The following SPTBN5 variants were observed in gnomAD, a reference collection of about 807,000 sequenced individuals.
The protein encoded by SPTBN5 is spectrin beta, non-erythrocytic 5.
A neutral mutation model predicts 477.6 loss-of-function variants in SPTBN5; 513 were observed. The observed-to-expected ratio is 1.07, with a 90% CI of 1.00 to 1.16. SPTBN5 has a LOEUF of 1.16. SPTBN5 is among the 50% of genes most tolerant of loss of function. The probability of loss-of-function intolerance (pLI) is 0.00; values close to 1 mark genes in which losing one functional copy is unlikely to be tolerated. For synonymous variants in SPTBN5, 2,169 were observed against 2,011.7 expected, an observed-to-expected ratio of 1.08 and a Z score of -2.09; for missense variants, 5,062 against 4,731.8, an observed-to-expected ratio of 1.07 and a Z score of -2.05.
At chr15:41,848,713 C>G (rs893810648) in intron 67 of SPTBN5, 85 bp from the exon 68 acceptor site, 1 of 1,499,520 alleles carries the variant, frequency 6.7e-7, no homozygotes, top group Non-Finnish European at 9.3e-7. Flanking sequence ...CCCCTGCCCT[C>G]CCCTGGACCA....
In SPTBN5 at chr15:41,892,693, G is replaced by A. The variant is rs142445023; in HGVS notation, c.384+201C>T. On this transcript the variant is annotated intron_variant, in intron 3 of 67. Coordinates refer to ENST00000320955, the MANE Select transcript of SPTBN5 (RefSeq NM_016642.4). ...ACCTGGATTGCTACTGCCATGGCCA[G>A]CTGGGTGCTCTCCAAGTCAGGGGTG... 392 of 561,114 alleles carry A rather than the reference G, an allele frequency of 7.0e-4. 1 individual carries two copies. Among genetic ancestry groups the A allele is most frequent in the African/African-American group, 6.8e-3 (353 of 51,900 alleles). 34.8% of individuals were successfully genotyped at this position (561,114 alleles called of 1,614,324 possible).
intron 7 of SPTBN5, 45 bp from the exon 8 acceptor site, chr15:41,883,531 G>A: frequency 6.3e-7 from 1 of 1,591,622 alleles, no homozygotes; most frequent in Non-Finnish European, 8.6e-7. Flanking sequence ...GGTTGGGGCA[G>A]GGAAGCTACT....
chr15:41,882,349 C>T lies in SPTBN5; in HGVS notation c.2167G>A (p.Val723Ile), dbSNP rs1201395314. Residue 723 changes from valine (V) to isoleucine (I), a missense_variant, in exon 11 of 68, where the codon GTT becomes ATT. Coordinates refer to ENST00000320955, the MANE Select transcript of SPTBN5 (RefSeq NM_016642.4). ...QPDPGERAEA[V>I]QGGWQLLQTR... ...TGGAGCAGCTGCCACCCTCCCTGAA[C>T]GGCCTCTGCCCGTTCCCCGGGATCC... 3.9e-6 allele frequency: 6 copies of T among 1,534,994 alleles called. No homozygotes were observed. The South Asian group carries it at 6.0e-5, about 15-fold the overall frequency.
intron 7 of SPTBN5, among the ~76,000 whole-genome samples, 159 bp from the exon 8 acceptor site, chr15:41,883,645 G>C (rs2067053792): frequency 6.6e-6 from 1 of 152,204 alleles, no homozygotes; most frequent in Non-Finnish European, 1.5e-5. Flanking sequence ...GCAGGCGGTG[G>C]TAGAGGCAGT....
In SPTBN5 at chr15:41,893,388, T is replaced by A; in HGVS notation, c.110A>T (p.Asp37Val). The A allele has an allele frequency of 6.2e-7, 1 of 1,613,504 alleles. No homozygotes were observed. Among genetic ancestry groups the A allele is most frequent in the Non-Finnish European group, 8.5e-7 (1 of 1,179,788 alleles). ...AATGTGGCCCGTCTCGTACTGAGAGTCCATGGTGAGACTTGGACTGGGCGG... is the reference window on the plus strand; with the variant it reads ...AATGTGGCCCGTCTCGTACTGAGAGACCATGGTGAGACTTGGACTGGGCGG... ...RVPPSPSLTM[D>V]SQYETGHIRK... Residue 37 changes from aspartate to valine, a missense_variant, in exon 2 of 68, where the codon GAC becomes GTC. Transcript: ENST00000320955.
At chr15:41,863,879 C>A in intron 40 of SPTBN5, 30 bp downstream of exon 40, 2 of 1,613,224 alleles carry the variant, frequency 1.2e-6, no homozygotes, top group Admixed American at 1.7e-5. Context: ...CTCTTCCCGG[C>A]CCTTTGGTTC....
chr15:41,868,280 G>C, intron 33 of SPTBN5, 62 bp from the exon 34 acceptor site: 1 of 1,564,014 alleles, frequency 6.4e-7, no homozygotes, highest in Non-Finnish European at 8.6e-7. Flanking sequence ...GTGAGGACTG[G>C]ATCCTGAGGG....
At chr15:41,855,178 TC>T in intron 55 of SPTBN5, 45 bp downstream of exon 55, 1 of 1,568,230 alleles carries the variant, frequency 6.4e-7, no homozygotes, top group Non-Finnish European at 8.7e-7. Flanking sequence ...CAGGCCTTCC[TC>T]AGCCTCTGCC....
chr15:41,854,671 G>T, intron 56 of SPTBN5, 111 bp downstream of exon 56: 1 of 940,898 alleles, frequency 1.1e-6, no homozygotes, highest in Non-Finnish European at 1.5e-6. Context: ...TTCACTTGAG[G>T]CCAGCAGGGT....
chr15:41,862,215 C>G lies in SPTBN5; in HGVS notation c.7463G>C (p.Arg2488Thr), dbSNP rs1409709295. The change falls in exon 44 of 68, where the codon AGG (arginine) becomes ACG (threonine). Residue 2488 changes from arginine to threonine, a missense_variant. Physicochemically the swap from Arg to Thr is moderately conservative, Grantham distance 71. Coordinates refer to ENST00000320955, the MANE Select transcript of SPTBN5 (RefSeq NM_016642.4). ...MLQELLVSAQ[R>T]LRAQMDTSPA... Reference sequence around the variant, plus strand: ...GCTCGTGTCCATCTGAGCCCGCAGCCTCTGGGCGCTGACCAGCAATTCCTG... The same window carrying G: ...GCTCGTGTCCATCTGAGCCCGCAGCGTCTGGGCGCTGACCAGCAATTCCTG... 6.2e-7 allele frequency: 1 copy of G among 1,611,802 alleles called. No homozygotes were observed. Among genetic ancestry groups the G allele is most frequent in the Non-Finnish European group, 8.5e-7 (1 of 1,179,328 alleles).
chr15:41,852,575 C>T (rs2140911262), intron 61 of SPTBN5, 59 bp downstream of exon 61: 7 of 1,547,194 alleles, frequency 4.5e-6, no homozygotes, highest in Non-Finnish European at 6.2e-6. Flanking sequence ...CACTGACTTG[C>T]AGGCTGAGAG....
Position 41,858,947 on chromosome 15 carries a change from G to T in SPTBN5, c.8022C>A (p.Arg2674=). 6.3e-7 allele frequency: 1 copy of T among 1,589,170 alleles called. No individual in the cohort carries two copies. Among genetic ancestry groups the T allele is most frequent in the Non-Finnish European group, 8.6e-7 (1 of 1,166,352 alleles). Residue 2674 remains arginine, a synonymous_variant, in exon 48 of 68, where the codon CGC becomes CGA. Coordinates refer to ENST00000320955, the MANE Select transcript of SPTBN5 (RefSeq NM_016642.4). The part of the protein sequence containing the change: ...KEALFRQAGT[R]RHRLEELRQL... ...GCCGGAGCTCCTCCAGGCGATGGCGGCGGGTCCCGGCTTGCCTGAAGAGCG... is the reference window on the plus strand; with the variant it reads ...GCCGGAGCTCCTCCAGGCGATGGCGTCGGGTCCCGGCTTGCCTGAAGAGCG...
Position 41,879,438 on chromosome 15 carries a change from C to G in SPTBN5, c.3004G>C (p.Val1002Leu). The G allele has an allele frequency of 6.2e-7, 1 of 1,608,230 alleles. No homozygotes were observed. Among genetic ancestry groups the G allele is most frequent in the Non-Finnish European group, 8.5e-7 (1 of 1,178,578 alleles). Residue 1002 changes from valine (V) to leucine (L), a missense_variant, in exon 16 of 68, where the codon GTG becomes CTG. Coordinates refer to ENST00000320955, the MANE Select transcript of SPTBN5 (RefSeq NM_016642.4). Reference protein sequence around the residue: ...KAVQLAHSVEVCSFLQECGPT... With the variant: ...KAVQLAHSVELCSFLQECGPT... ...CCACACTCCTGCAGAAAACTGCACA[C>G]TTCCACACTGTGTGCCAGCTGCACG...
At chr15:41,851,036 G>A (rs370943879) in intron 65 of SPTBN5, 23 bp downstream of exon 65, 170 of 1,605,592 alleles carry the variant, frequency 1.1e-4, no homozygotes, top group Non-Finnish European at 1.2e-4. Flanking sequence ...GGGTGATGCC[G>A]GAGTCCATGT....
At position 41,858,718 on chromosome 15, in the gene SPTBN5, C is replaced by A. The variant is rs1441892028; in HGVS notation, c.8110G>T (p.Val2704Leu). The A allele has an allele frequency of 6.2e-7, 1 of 1,609,778 alleles. No homozygotes were observed. The highest frequency in any genetic ancestry group is 1.6e-4 in the Middle Eastern group (1 of 6,080). Residue 2704 changes from valine to leucine, a missense_variant, in exon 49 of 68, where the codon GTG becomes TTG. Val to Leu is a conservative substitution (Grantham distance 32). Transcript: ENST00000320955. The part of the protein sequence containing the change: ...VAAWLREKNL[V>L]ALEEGLLDTA... Reference sequence around the variant, plus strand: ...TCCAGCAAACCCTCCTCCAAGGCCACCAGGTTCTTCTCCCTCAGCCACGCA... The same window carrying A: ...TCCAGCAAACCCTCCTCCAAGGCCAACAGGTTCTTCTCCCTCAGCCACGCA...
At chr15:41,888,158 G>C (rs2067213259) in intron 4 of SPTBN5, 73 bp from the exon 5 acceptor site, 1 of 1,455,558 alleles carries the variant, frequency 6.9e-7, no homozygotes, top group African/African-American at 1.4e-5. Flanking sequence ...GGCTGTGGGA[G>C]AGGCAGGCTG....
Position 41,876,202 on chromosome 15 carries a change from C to T in SPTBN5, c.4034G>A (p.Arg1345His), listed in dbSNP as rs2290559. Residue 1345 changes from arginine to histidine, a missense_variant, in exon 21 of 68, where the codon CGC becomes CAC. By Grantham distance (29) the Arg-to-His change is conservative. Coordinates refer to ENST00000320955, the MANE Select transcript of SPTBN5 (RefSeq NM_016642.4). The part of the protein sequence containing the change: ...LMAAHEPSGA[R>H]RNILQTLKRH... ...CTTGAGTGTCTGCAGGATGTTTCTG[C>T]GCGCTCCGGAGGGCTCATGCGCAGC... 0.27 allele frequency: 440,334 copies of T among 1,605,004 alleles called. 64,483 individuals are homozygous for T. The highest frequency in any genetic ancestry group is 0.4 in the Middle Eastern group (2,427 of 6,056).
chr15:41,857,399 AGGCAGGGCCTGGCCCACAGTGGG>A lies in SPTBN5; in HGVS notation c.8437_8459del (p.Pro2813TrpfsTer24). On this transcript the variant is annotated frameshift_variant, in exon 51 of 68. Transcript: ENST00000320955. LOFTEE classifies it high-confidence loss of function. ...GTGTGCCCAGGAGCTCGCCCACCCC[AGGCAGGGCCTGGCCCACAGTGGG>A]GGCTCTCAGCTCAACCTCGATGGGC... is the stretch of plus-strand genomic sequence containing the variant. 6.3e-7 allele frequency: 1 copy of A among 1,591,024 alleles called. No individual in the cohort carries two copies. Among genetic ancestry groups the A allele is most frequent in the Non-Finnish European group, 8.6e-7 (1 of 1,168,890 alleles).
chr15:41,866,243 G>A lies in SPTBN5; in HGVS notation c.6631-14C>T. 6.3e-7 allele frequency: 1 copy of A among 1,583,632 alleles called. No homozygotes were observed. The highest frequency in any genetic ancestry group is 8.6e-7 in the Non-Finnish European group (1 of 1,165,762). ...AGCCTCTCCCTTCTGGAGGGAGAGA[G>A]GGGACACAGGACATCTTGCCTGCTG... On this transcript the variant is annotated splice_polypyrimidine_tract_variant and intron_variant, in intron 37 of 67. Transcript: ENST00000320955.
Sources: allele counts gnomAD v4.1 joint callset (sites outside exome capture counted in the v4.1 genomes callset), GRCh38; gene constraint gnomAD v4.1.1; transcripts MANE v1.5; gene names NCBI Gene and HGNC (gene_info 2026-07-23, HGNC 2026-07-21).